ERGIC1: variants seen among roughly 807,000 people sequenced by gnomAD.
ERGIC1 encodes endoplasmic reticulum-Golgi intermediate compartment protein 1.
ERGIC1 carries 19 observed loss-of-function variants against 38.3 expected under a neutral mutation model. That is an observed-to-expected ratio of 0.50 (90% CI 0.35 to 0.73). The LOEUF is 0.73. Among genes scored for constraint, ERGIC1 ranks in the 30% least tolerant of loss-of-function variants. The probability of loss-of-function intolerance (pLI) is 0.01; values close to 1 mark genes in which losing one functional copy is unlikely to be tolerated. For missense variants in ERGIC1, 294 were observed against 389.2 expected, an observed-to-expected ratio of 0.76 and a Z score of 2.06; for synonymous variants, 124 against 157.6, an observed-to-expected ratio of 0.79 and a Z score of 1.60.
At chr5:172,909,115 C>T (rs1763137191) in intron 3 of ERGIC1, among the ~76,000 whole-genome samples, 1 of 151,312 alleles carries the variant, frequency 6.6e-6, no homozygotes. Flanking sequence ...ATGCTCTTAC[C>T]ACCGTGCTAT....
intron 4 of ERGIC1, among the ~76,000 whole-genome samples, chr5:172,910,967 GTAAT>G (rs1476931070): frequency 6.6e-6 from 1 of 152,178 alleles, no homozygotes; most frequent in East Asian, 1.9e-4. Context: ...AATGGGCTTA[GTAAT>G]GTCTGTTGTC....
intron 3 of ERGIC1, among the ~76,000 whole-genome samples, chr5:172,897,530 G>A (rs1054601943): frequency 6.6e-6 from 1 of 152,064 alleles, no homozygotes; most frequent in Non-Finnish European, 1.5e-5. Flanking sequence ...TTGCTCTTCT[G>A]TTTCTTAAAA....
intron 2 of ERGIC1, among the ~76,000 whole-genome samples, chr5:172,890,052 A>T (rs572374068): frequency 6.6e-6 from 1 of 152,334 alleles, no homozygotes; most frequent in South Asian, 2.1e-4. Context: ...GGAAGGAAAA[A>T]TAAGGCCTTT....
In ERGIC1 at chr5:172,834,917, G is replaced by T. The variant is rs917664746; in HGVS notation, c.20+484G>T. ...GGGTTTTAAGTTTCTATAGCCTGAG[G>T]CTCCCCCAGGCCGGGCAGATCGGGA... On this transcript the variant is annotated intron_variant, in intron 1 of 9. Transcript: ENST00000393784. This position sits in a 1 kb window ranked among gnomAD's most constrained non-coding sequence, Gnocchi z 4.1. Among the ~76,000 whole-genome samples, 5 of 152,168 alleles carry T rather than the reference G, an allele frequency of 3.3e-5. No individual in the cohort carries two copies. Among genetic ancestry groups the T allele is most frequent in the African/African-American group, 1.2e-4 (5 of 41,440 alleles).
intron 9 of ERGIC1, among the ~76,000 whole-genome samples, chr5:172,942,608 G>C (rs1012283403): frequency 6.6e-6 from 1 of 152,242 alleles, no homozygotes; most frequent in Admixed American, 6.5e-5. Context: ...GGAGCTTGGT[G>C]ATTCAGGTCT....
chr5:172,929,849 T>C (rs1421278452), intron 7 of ERGIC1, among the ~76,000 whole-genome samples: 5 of 152,132 alleles, frequency 3.3e-5, no homozygotes, highest in Non-Finnish European at 7.4e-5. Context: ...GCAGAGCTTA[T>C]GTTCTGTGTC....
In ERGIC1 at chr5:172,905,199, G is replaced by C. The variant is rs113905647; in HGVS notation, c.156-4468G>C. ...CCTCGCCAGGTGGGAAAGGTGAGTT[G>C]CTTCAAGGAAGAGTCTCAGGCAGCT... On this transcript the variant is annotated intron_variant, in intron 3 of 9. Coordinates refer to ENST00000393784, the MANE Select transcript of ERGIC1 (RefSeq NM_001031711.3). The C allele has an allele frequency of 2.6e-3, 629 of 246,546 alleles. 6 individuals are homozygous for C. Among genetic ancestry groups the C allele is most frequent in the African/African-American group, 0.013 (583 of 45,584 alleles). 15.3% of individuals were successfully genotyped at this position (246,546 alleles called of 1,614,324 possible).
chr5:172,941,164 G>A (rs1385460397), intron 9 of ERGIC1, among the ~76,000 whole-genome samples: 2 of 152,022 alleles, frequency 1.3e-5, no homozygotes, highest in African/African-American at 4.8e-5. Flanking sequence ...CCCAGCTACT[G>A]TGGAGGCTGA....
Position 172,912,503 on chromosome 5 carries a change from T to G in ERGIC1, c.251-2211T>G, listed in dbSNP as rs549205999. On this transcript the variant is annotated intron_variant, in intron 4 of 9. Transcript: ENST00000393784. ...CCCGGGTTCAAGCCATTCTCCTGCC[T>G]CAGCCTCCTGAGTAGCTGGGATTAC... Among the ~76,000 whole-genome samples, 3 of 152,254 alleles carry G rather than the reference T, an allele frequency of 2.0e-5. No individual in the cohort carries two copies. The South Asian group carries it at 6.2e-4, about 32-fold the overall frequency.
intron 1 of ERGIC1, among the ~76,000 whole-genome samples, chr5:172,839,829 C>G (rs1761117553): frequency 6.6e-6 from 1 of 152,176 alleles, no homozygotes; most frequent in South Asian, 2.1e-4. Flanking sequence ...GGAGGTGCCA[C>G]AGAGTTCGGA....
intron 9 of ERGIC1, chr5:172,938,106 A>G (rs889922832): frequency 6.6e-5 from 10 of 152,186 alleles, no homozygotes; most frequent in African/African-American, 2.4e-4. Context: ...GGGTACAGCT[A>G]CCCTGAGGGG....
intron 2 of ERGIC1, among the ~76,000 whole-genome samples, chr5:172,894,346 C>T (rs1762668556): frequency 6.6e-6 from 1 of 151,358 alleles, no homozygotes; most frequent in South Asian, 2.1e-4. Context: ...CAGGCGCCTG[C>T]CACAACACCT....
chr5:172,907,642 C>T (rs1763068675), intron 3 of ERGIC1, among the ~76,000 whole-genome samples: 1 of 152,178 alleles, frequency 6.6e-6, no homozygotes, highest in Admixed American at 6.5e-5. Flanking sequence ...AGCAGCCATG[C>T]CCTCCCCAAC....
At chr5:172,944,288 G>T (rs1007112946) in intron 9 of ERGIC1, among the ~76,000 whole-genome samples, 1 of 152,144 alleles carries the variant, frequency 6.6e-6, no homozygotes, top group East Asian at 1.9e-4. Flanking sequence ...ATACAAGAGC[G>T]TGGCAGTGGC....
chr5:172,950,435 A>G (rs567530886), intron 9 of ERGIC1, among the ~76,000 whole-genome samples: 3 of 152,298 alleles, frequency 2.0e-5, no homozygotes, highest in African/African-American at 4.8e-5. Flanking sequence ...GGGTCTAATA[A>G]TTCCCTTCCT....
At chr5:172,909,168 C>T (rs368921494) in intron 3 of ERGIC1, among the ~76,000 whole-genome samples, 142 of 80,858 alleles carry the variant, frequency 1.8e-3, no homozygotes, top group Non-Finnish European at 2.2e-3. Flanking sequence ...GCCCTCCCCT[C>T]TTTTTTTTTT....
chr5:172,930,064 T>C (rs1763740830), intron 7 of ERGIC1, among the ~76,000 whole-genome samples: 1 of 151,784 alleles, frequency 6.6e-6, no homozygotes, highest in African/African-American at 2.4e-5. Flanking sequence ...GGCAGGCGCC[T>C]GTAGTCCCAG....
At chr5:172,872,302 T>C (rs925781272) in intron 1 of ERGIC1, among the ~76,000 whole-genome samples, 1 of 152,238 alleles carries the variant, frequency 6.6e-6, no homozygotes, top group African/African-American at 2.4e-5. Context: ...TCTGTAAAAA[T>C]GGGGATGAAG....
intron 1 of ERGIC1, among the ~76,000 whole-genome samples, chr5:172,858,984 C>T (rs563063422): frequency 1.6e-4 from 24 of 152,304 alleles, no homozygotes; most frequent in South Asian, 4.1e-4. Flanking sequence ...GTGCTGAGGA[C>T]GTGATTTTGA....
Sources: allele counts gnomAD v4.1 joint callset (sites outside exome capture counted in the v4.1 genomes callset), GRCh38; gene constraint gnomAD v4.1.1; non-coding constraint Gnocchi (gnomAD v3.1); transcripts MANE v1.5; gene names NCBI Gene and HGNC (gene_info 2026-07-23, HGNC 2026-07-21).